ZBTB8OS: variants seen among roughly 807,000 people sequenced by gnomAD.
ZBTB8OS encodes tRNA-splicing ligase-activating factor archease.
Under a neutral mutation model 29.3 loss-of-function variants are expected in ZBTB8OS, and 16 were observed. That is an observed-to-expected ratio of 0.55 (90% confidence interval 0.37 to 0.83). The LOEUF is 0.83. ZBTB8OS is among the 40% of genes least tolerant of loss of function. The pLI is 0.00. For missense variants in ZBTB8OS, 160 were observed against 196.9 expected, an observed-to-expected ratio of 0.81 and a Z score of 1.12; for synonymous variants, 70 against 64.6, an observed-to-expected ratio of 1.08 and a Z score of -0.40.
At chr1:32,647,094 G>A (rs1371595013) in intron 1 of ZBTB8OS, among the ~76,000 whole-genome samples, 4 of 129,872 alleles carry the variant, frequency 3.1e-5, no homozygotes, top group African/African-American at 1.1e-4. Context: ...GGTGGCTTAC[G>A]CCTGTAATCC....
At chr1:32,647,608 T>G (rs973494579) in intron 1 of ZBTB8OS, among the ~76,000 whole-genome samples, 1 of 152,088 alleles carries the variant, frequency 6.6e-6, no homozygotes, top group African/African-American at 2.4e-5. Flanking sequence ...CTGCCTGAGC[T>G]CCACTTCCTT....
chr1:32,633,664 T>C lies in ZBTB8OS; in HGVS notation c.308A>G (p.Asp103Gly). 1 of 1,607,568 alleles carries C rather than the reference T, an allele frequency of 6.2e-7. No homozygotes were observed. Among genetic ancestry groups the C allele is most frequent in the Non-Finnish European group, 8.5e-7 (1 of 1,178,474 alleles). The part of the protein sequence containing the change: ...LDEWLYKFSA[D>G]EFFIPREVKV... ...GCTTACCCGGGGTATGAAGAATTCA[T>C]CAGCACTGAACTTATAAAGCCATTC... Residue 103 changes from aspartate (D) to glycine (G), a missense_variant, in exon 4 of 7, where the codon GAT (aspartate) becomes GGT (glycine). By Grantham distance (94) the Asp-to-Gly change is moderately conservative. Transcript: ENST00000468695.
chr1:32,635,784 G>A (rs1645907242), intron 1 of ZBTB8OS, among the ~76,000 whole-genome samples: 1 of 152,080 alleles, frequency 6.6e-6, no homozygotes, highest in Non-Finnish European at 1.5e-5. Flanking sequence ...TTTCTGGTGG[G>A]CCCAACTAAC....
chr1:32,641,740 C>A (rs1276418456), intron 1 of ZBTB8OS, among the ~76,000 whole-genome samples: 1 of 149,892 alleles, frequency 6.7e-6, no homozygotes, highest in African/African-American at 2.4e-5. Context: ...GGTGAAACCC[C>A]GTCTCTACTA....
At chr1:32,650,677 C>T (rs1647419551), upstream of ZBTB8OS, 3 of 1,411,622 alleles carry the variant, frequency 2.1e-6, no homozygotes, top group Non-Finnish European at 2.9e-6. Flanking sequence ...CTACTTTAGT[C>T]CCTACCCTGC....
At chr1:32,629,360 G>A (rs12049096) in intron 5 of ZBTB8OS, among the ~76,000 whole-genome samples, 16,238 of 151,852 alleles carry the variant, frequency 0.11, 1,564 homozygotes, top group African/African-American at 0.25. Context: ...TGGCTGCAGT[G>A]AGCCATGATC....
intron 1 of ZBTB8OS, 174 bp downstream of exon 1, chr1:32,650,259 T>TTTTC: frequency 1.2e-6 from 1 of 845,422 alleles, no homozygotes; most frequent in Non-Finnish European, 1.8e-6. Flanking sequence ...CCAGGTGGCT[T>TTTTC]TTTCCTTCAG....
chr1:32,648,629 C>A (rs1647032171), intron 1 of ZBTB8OS, among the ~76,000 whole-genome samples: 1 of 152,172 alleles, frequency 6.6e-6, no homozygotes, highest in African/African-American at 2.4e-5. Flanking sequence ...GTTACACTTT[C>A]TGAATTTCAA....
chr1:32,639,301 A>C (rs544383959), intron 1 of ZBTB8OS, among the ~76,000 whole-genome samples: 105 of 150,392 alleles, frequency 7.0e-4, no homozygotes, highest in African/African-American at 2.3e-3. Context: ...CTACTCCCCC[A>C]AAAAAAATAA....
At chr1:32,641,767 A>C (rs1646427608) in intron 1 of ZBTB8OS, among the ~76,000 whole-genome samples, 1 of 151,274 alleles carries the variant, frequency 6.6e-6, no homozygotes, top group Non-Finnish European at 1.5e-5. Context: ...ACAAAAAAAA[A>C]AAAATTAGCC....
At position 32,621,692 on chromosome 1, in the gene ZBTB8OS, G is replaced by C; in HGVS notation, c.*170C>G. 1.7e-6 allele frequency: 1 copy of C among 599,996 alleles called. No individual in the cohort carries two copies. Among genetic ancestry groups the C allele is most frequent in the Non-Finnish European group, 2.9e-6 (1 of 347,300 alleles). 37.2% of individuals were successfully genotyped at this position (599,996 alleles called of 1,614,324 possible). A position where few individuals can be genotyped will look rare whatever the true frequency, so the allele number is the denominator to read the frequency against. On this transcript the variant is annotated 3_prime_UTR_variant, in exon 7 of 7. Coordinates refer to ENST00000468695, the MANE Select transcript of ZBTB8OS (RefSeq NM_178547.5). ...GAATATTTGGGGAACACAGACCAAG[G>C]CTGTGCCCTGATTTTCCCTTTCTGA... is the stretch of plus-strand genomic sequence containing the variant.
intron 1 of ZBTB8OS, among the ~76,000 whole-genome samples, chr1:32,640,559 G>A (rs943589755): frequency 6.6e-6 from 1 of 152,024 alleles, no homozygotes; most frequent in African/African-American, 2.4e-5. Flanking sequence ...CCGTCATCCA[G>A]GCTGAAGTGC....
At chr1:32,624,620 C>G (rs1644975162) in intron 6 of ZBTB8OS, among the ~76,000 whole-genome samples, 1 of 152,028 alleles carries the variant, frequency 6.6e-6, no homozygotes, top group Non-Finnish European at 1.5e-5. Flanking sequence ...TTGGCTGGGC[C>G]CAGTGGCTCA....
intron 2 of ZBTB8OS, 126 bp from the exon 3 acceptor site, chr1:32,634,198 G>A (rs1188940164): frequency 1.4e-6 from 1 of 695,164 alleles, no homozygotes; most frequent in Non-Finnish European, 2.2e-6. Context: ...CAATTTAACA[G>A]CACTGCAACC....
intron 1 of ZBTB8OS, among the ~76,000 whole-genome samples, chr1:32,638,033 TG>T (rs1646117117): frequency 6.6e-6 from 1 of 151,976 alleles, no homozygotes. Flanking sequence ...GACAGGATTT[TG>T]CCATGTTGGC....
rs71006348 is a variant in ZBTB8OS, at chr1:32,647,266, C to CAA, written c.97+3165_97+3166dup. 2.7e-3 allele frequency among the ~76,000 whole-genome samples: 357 copies of CAA among 134,536 alleles called. 5 individuals carry two copies. The highest frequency in any genetic ancestry group is 1.0e-2 in the African/African-American group (325 of 32,562). 88.3% of individuals were successfully genotyped at this position (134,536 alleles called of 152,430 possible). The stretch of plus-strand genomic sequence containing the variant: ...ACCTGTAATCCCAGCTACTCTGTCT[C>CAA]AAAAAAAAAAAAAAAAAAAAATTAG... On this transcript the variant is annotated intron_variant, in intron 1 of 6. Coordinates refer to ENST00000468695, the MANE Select transcript of ZBTB8OS (RefSeq NM_178547.5).
At chr1:32,628,514 G>C (rs1645293156) in intron 5 of ZBTB8OS, among the ~76,000 whole-genome samples, 1 of 151,688 alleles carries the variant, frequency 6.6e-6, no homozygotes, top group Admixed American at 6.6e-5. Flanking sequence ...GTAGGCACCT[G>C]TAATCCGAAC....
chr1:32,636,591 G>T (rs987058748), intron 1 of ZBTB8OS, among the ~76,000 whole-genome samples: 2 of 151,788 alleles, frequency 1.3e-5, no homozygotes, highest in South Asian at 2.1e-4. Flanking sequence ...TCAGGAGGCT[G>T]AGGCAGGAGA....
chr1:32,649,417 T>C (rs1647109494), intron 1 of ZBTB8OS, among the ~76,000 whole-genome samples: 1 of 152,064 alleles, frequency 6.6e-6, no homozygotes, highest in Non-Finnish European at 1.5e-5. Flanking sequence ...TTTAAGCAGA[T>C]AAATAAAAGT....
Sources: gnomAD v4.1 joint callset for allele counts (sites outside exome capture counted in the v4.1 genomes callset) on GRCh38, gnomAD v4.1.1 for gene constraint, MANE v1.5 for transcripts, NCBI Gene and HGNC (gene_info 2026-07-23, HGNC 2026-07-21) for gene names.